Variants in CDH11 observed in about 807,000 individuals in gnomAD.
The protein encoded by CDH11 is cadherin-11.
A neutral mutation model predicts 67.8 loss-of-function variants in CDH11; 11 were observed. That is an observed-to-expected ratio of 0.16 (90% CI 0.10 to 0.27). CDH11 has a LOEUF of 0.27. Ranked by LOEUF, CDH11 falls within the 10% of genes least tolerant of loss-of-function variation. The pLI is 1.00. For synonymous variants in CDH11, 419 were observed against 400.0 expected, an observed-to-expected ratio of 1.05 and a Z score of -0.57; for missense variants, 847 against 1,031.2, an observed-to-expected ratio of 0.82 and a Z score of 2.45.
intron 7 of CDH11, chr16:64,983,058 T>G (rs1467210720): frequency 3.3e-5 from 5 of 152,196 alleles, no homozygotes; most frequent in Admixed American, 1.3e-4. Flanking sequence ...TTGGTTTGAT[T>G]GCATTTATTT....
At chr16:64,977,515 A>G (rs2142443709) in intron 8 of CDH11, among the ~76,000 whole-genome samples, 1 of 152,372 alleles carries the variant, frequency 6.6e-6, no homozygotes, top group East Asian at 1.9e-4. Flanking sequence ...GAGATAACTC[A>G]TTTAAACTTC....
intron 4 of CDH11, among the ~76,000 whole-genome samples, chr16:64,994,449 T>C (rs1786658758): frequency 6.6e-6 from 1 of 152,222 alleles, no homozygotes; most frequent in South Asian, 2.1e-4. Context: ...TAGAAAGGTA[T>C]AATAGGTTGC....
intron 2 of CDH11, among the ~76,000 whole-genome samples, chr16:65,020,191 T>G (rs1019344868): frequency 6.6e-6 from 1 of 152,210 alleles, no homozygotes; most frequent in African/African-American, 2.4e-5. Context: ...ACATAGAATC[T>G]AATTGCTCCA....
intron 1 of CDH11, among the ~76,000 whole-genome samples, chr16:65,110,283 T>C (rs760659232): frequency 2.0e-5 from 3 of 152,182 alleles, no homozygotes; most frequent in Non-Finnish European, 2.9e-5. Flanking sequence ...CATTCAATAA[T>C]GCAGCAGATA....
intron 1 of CDH11, among the ~76,000 whole-genome samples, chr16:65,110,815 T>C (rs753062800): frequency 6.6e-6 from 1 of 152,162 alleles, no homozygotes; most frequent in Non-Finnish European, 1.5e-5. Flanking sequence ...ATAAAGGTGC[T>C]TATTGGGGTT....
Position 65,085,299 on chromosome 16 carries a change from A to G in CDH11, c.-297-31371T>C, listed in dbSNP as rs367874470. Among the ~76,000 whole-genome samples, 94 of 152,330 alleles carry G rather than the reference A, an allele frequency of 6.2e-4. No homozygotes were observed. In the Middle Eastern group the frequency reaches 0.01, roughly 17 times the overall value. On this transcript the variant is annotated intron_variant, in intron 1 of 12. Coordinates refer to ENST00000268603, the MANE Select transcript of CDH11 (RefSeq NM_001797.4). ...CTGCATAGTGGTTAAAGCATGATAG[A>G]AAAGTAATTAAGAACAGGATCCCTG...
chr16:65,047,344 TTTTG>T (rs1198795732), intron 2 of CDH11, among the ~76,000 whole-genome samples: 6 of 150,690 alleles, frequency 4.0e-5, no homozygotes, highest in Admixed American at 6.6e-5. Flanking sequence ...TTTTAATTTT[TTTTG>T]TTTGTTTTTG....
chr16:65,059,020 A>C (rs1193785453), intron 1 of CDH11, among the ~76,000 whole-genome samples: 1 of 152,238 alleles, frequency 6.6e-6, no homozygotes, highest in Non-Finnish European at 1.5e-5. Context: ...TACAGAACCA[A>C]TATTGATATG....
intron 2 of CDH11, among the ~76,000 whole-genome samples, chr16:65,041,150 A>G (rs1207717472): frequency 6.6e-6 from 1 of 152,192 alleles, no homozygotes; most frequent in Non-Finnish European, 1.5e-5. Flanking sequence ...CTGGATTGAC[A>G]CCTGACATCT....
intron 1 of CDH11, among the ~76,000 whole-genome samples, chr16:65,074,831 T>C (rs1243482263): frequency 6.6e-6 from 1 of 152,210 alleles, no homozygotes; most frequent in Non-Finnish European, 1.5e-5. Flanking sequence ...TTCCTAATTA[T>C]TATACAGAAC....
intron 1 of CDH11, among the ~76,000 whole-genome samples, chr16:65,086,898 C>G (rs769321403): frequency 6.6e-6 from 1 of 152,162 alleles, no homozygotes; most frequent in Non-Finnish European, 1.5e-5. Flanking sequence ...ATTATAGACT[C>G]TTAGATATTC....
chr16:65,099,578 T>C (rs187230752), intron 1 of CDH11, among the ~76,000 whole-genome samples: 93 of 152,278 alleles, frequency 6.1e-4, no homozygotes, highest in Non-Finnish European at 1.1e-3. Context: ...AGACTTCCAG[T>C]GGTTATTGTG....
At chr16:65,086,882 A>G (rs2074709860) in intron 1 of CDH11, among the ~76,000 whole-genome samples, 1 of 152,240 alleles carries the variant, frequency 6.6e-6, no homozygotes. Flanking sequence ...ATTGGACATT[A>G]TACAAATTAT....
At chr16:65,080,139 G>A (rs1597168748) in intron 1 of CDH11, among the ~76,000 whole-genome samples, 1 of 151,684 alleles carries the variant, frequency 6.6e-6, no homozygotes, top group Non-Finnish European at 1.5e-5. Context: ...ATATTTTCAT[G>A]CATTTCTACT....
intron 2 of CDH11, among the ~76,000 whole-genome samples, chr16:65,011,074 GTATA>G (rs2073172558): frequency 8.3e-6 from 1 of 120,310 alleles, no homozygotes; most frequent in African/African-American, 3.5e-5. Context: ...GTGTATATAT[GTATA>G]TATACACACA....
intron 11 of CDH11, among the ~76,000 whole-genome samples, chr16:64,958,752 T>C (rs1244044769): frequency 6.6e-5 from 10 of 152,162 alleles, no homozygotes; most frequent in African/African-American, 2.2e-4. Flanking sequence ...TTGAATTCCA[T>C]CATAGCCTAT....
chr16:65,069,494 C>A (rs190503956), intron 1 of CDH11, among the ~76,000 whole-genome samples: 2 of 152,138 alleles, frequency 1.3e-5, no homozygotes, highest in East Asian at 3.9e-4. Flanking sequence ...ACCTCTTTTG[C>A]AACATAGACA....
rs1262341514 is a variant in CDH11 at position 65,048,149 on chromosome 16, T to C, written c.-173+5655A>G. 2.6e-5 allele frequency among the ~76,000 whole-genome samples: 4 copies of C among 152,018 alleles called. No homozygotes were observed. In the East Asian group the frequency reaches 5.8e-4, roughly 22 times the overall value. On this transcript the variant is annotated intron_variant, in intron 2 of 12. Transcript: ENST00000268603. Reference sequence around the variant, plus strand: ...GACTGATGAGTAAACACATCCAGAGTCTTTTCTCCTCTTGCCATTTTTGCC... The same window carrying C: ...GACTGATGAGTAAACACATCCAGAGCCTTTTCTCCTCTTGCCATTTTTGCC...
At chr16:65,004,558 G>A in intron 3 of CDH11, 84 bp downstream of exon 3, 2 of 1,398,196 alleles carry the variant, frequency 1.4e-6, no homozygotes, top group Non-Finnish European at 9.6e-7. Flanking sequence ...TTAGATGCCT[G>A]TGGGCCTTTT....
Sources: allele counts gnomAD v4.1 joint callset (sites outside exome capture counted in the v4.1 genomes callset), GRCh38; gene constraint gnomAD v4.1.1; transcripts MANE v1.5; gene names NCBI Gene and HGNC (gene_info 2026-07-23, HGNC 2026-07-21).